ULK1: variants seen among roughly 807,000 people sequenced by gnomAD.
The protein encoded by ULK1 is serine/threonine-protein kinase ULK1.
A neutral mutation model predicts 117.5 loss-of-function variants in ULK1; 48 were observed. The observed-to-expected ratio is 0.41, with a 90% CI of 0.32 to 0.52. ULK1 has a LOEUF of 0.52. ULK1 is among the 20% of genes least tolerant of loss of function. The pLI, the probability that ULK1 is intolerant of heterozygous loss-of-function variation, is 0.29. For synonymous variants in ULK1, 790 were observed against 637.8 expected (o/e 1.24, Z -3.60); for missense variants, 1,387 against 1,473.4 (o/e 0.94, Z 0.96).
chr12:131,908,489 TG>T, intron 5 of ULK1, 154 bp from the exon 6 acceptor site: 1 of 873,734 alleles, frequency 1.1e-6, no homozygotes, highest in Non-Finnish European at 1.6e-6. Flanking sequence ...CGGCGGCCCG[TG>T]GTGGCTTGTG....
chr12:131,916,323 G>A (rs1287586133), intron 19 of ULK1, 75 bp from the exon 20 acceptor site: 21 of 1,520,938 alleles, frequency 1.4e-5, no homozygotes, highest in East Asian at 4.6e-5. Flanking sequence ...CTGCGGACTC[G>A]GCCCCTTCCC....
intron 5 of ULK1, among the ~76,000 whole-genome samples, chr12:131,908,421 T>C (rs967432205): frequency 6.6e-6 from 1 of 151,914 alleles, no homozygotes; most frequent in South Asian, 2.1e-4. Context: ...AGCCCGGGGC[T>C]GAGTGGTGGG....
In ULK1 at chr12:131,915,939, G is replaced by T. The variant is rs371730429; in HGVS notation, c.1658G>T (p.Arg553Leu). The T allele has an allele frequency of 6.2e-7, 1 of 1,612,400 alleles. No individual in the cohort carries two copies. Among genetic ancestry groups the T allele is most frequent in the South Asian group, 1.1e-5 (1 of 91,084 alleles). Residue 553 changes from arginine (R) to leucine (L), a missense_variant, in exon 19 of 28, where the codon CGC (arginine) becomes CTC (leucine). Coordinates refer to ENST00000321867, the MANE Select transcript of ULK1 (RefSeq NM_003565.4). ...CCCCGCACTTCCGGGCTGGGCTGCC[G>T]CCTGCACAGCGCCCCCAACCTGTCT... Reference protein sequence around the residue: ...HSPRTSGLGCRLHSAPNLSDL... With the variant: ...HSPRTSGLGCLLHSAPNLSDL...
chr12:131,895,143 G>T, intron 1 of ULK1, 31 bp downstream of exon 1: 1 of 1,107,100 alleles, frequency 9.0e-7, no homozygotes. Context: ...GGGATCCCCC[G>T]CCCAGGATCC....
At chr12:131,895,227 C>A in intron 1 of ULK1, 115 bp downstream of exon 1, 1 of 802,868 alleles carries the variant, frequency 1.2e-6, no homozygotes, top group Non-Finnish European at 1.8e-6. Flanking sequence ...GAGCCCCACT[C>A]GACTTTCCAG....
chr12:131,906,178 TCTC>T (rs904573492), intron 3 of ULK1, among the ~76,000 whole-genome samples: 1 of 151,824 alleles, frequency 6.6e-6, no homozygotes, highest in African/African-American at 2.4e-5. Flanking sequence ...ACTGCAGCCT[TCTC>T]CTCCCGGGTT....
In ULK1 at chr12:131,919,527, C is replaced by T. The variant is rs146607520; in HGVS notation, c.2740C>T (p.Leu914=). The T allele has an allele frequency of 1.4e-4, 225 of 1,612,234 alleles. 1 individual carries two copies. The African/African-American group carries it at 2.6e-3, about 19-fold the overall frequency. ...LKVAELLSSG[L]QSAIDQIRAG... The stretch of plus-strand genomic sequence containing the variant: ...GGTGGCCGAGCTACTGTCCTCCGGC[C>T]TGCAAAGTGCCATCGACCAGATCCG... The change falls in exon 25 of 28, where the codon CTG becomes TTG. Residue 914 remains leucine (L), a synonymous_variant. Transcript: ENST00000321867.
chr12:131,909,844 T>C lies in ULK1; in HGVS notation c.725+11T>C. The stretch of plus-strand genomic sequence containing the variant: ...GACGTTGGTCCCCACGTAAGCACCC[T>C]CCCGCCTTCCCTTCCCTTCCCCCGC... On this transcript the variant is annotated intron_variant, in intron 9 of 27. Coordinates refer to ENST00000321867, the MANE Select transcript of ULK1 (RefSeq NM_003565.4). 6.2e-7 allele frequency: 1 copy of C among 1,611,108 alleles called. No homozygotes were observed. The highest frequency in any genetic ancestry group is 8.5e-7 in the Non-Finnish European group (1 of 1,179,118).
chr12:131,917,486 T>C lies in ULK1; in HGVS notation c.2258T>C (p.Val753Ala), dbSNP rs747080696. 3.5e-5 allele frequency: 53 copies of C among 1,504,302 alleles called. No individual in the cohort carries two copies. The highest frequency in any genetic ancestry group is 4.6e-5 in the Non-Finnish European group (52 of 1,125,538). The allele number at this position is 1,504,302 out of a possible 1,614,324, so 93.2% of individuals were successfully genotyped here. A position where few individuals can be genotyped will look rare whatever the true frequency, so the allele number is the denominator to read the frequency against. ...GGCACCAGCAGCCCTTCCCCGGTGG[T>C]CTTCACCGTGGGCTCTCCCCCGAGC... ...AGGTSSPSPV[V>A]FTVGSPPSGS... is the part of the protein sequence containing the mutation. Residue 753 changes from valine to alanine, a missense_variant, in exon 22 of 28, where the codon GTC (valine) becomes GCC (alanine). Coordinates refer to ENST00000321867, the MANE Select transcript of ULK1 (RefSeq NM_003565.4).
intron 3 of ULK1, among the ~76,000 whole-genome samples, chr12:131,898,481 A>G (rs1442165681): frequency 1.8e-4 from 28 of 151,928 alleles, no homozygotes. Context: ...AGAAGTAGAA[A>G]ATGACATCTC....
At position 131,916,482 on chromosome 12, in the gene ULK1, C is replaced by T; in HGVS notation, c.1963C>T (p.Pro655Ser). ...AGCCCGGCAGGGCGTGGTGATGACG[C>T]CCCCTCGAAACCGGACGCTGCCCGA... is the stretch of plus-strand genomic sequence containing the variant. ...LLARQGVVMT[P>S]PRNRTLPDLS... The change falls in exon 20 of 28, where the codon CCC (proline) becomes TCC (serine). Residue 655 changes from proline (P) to serine (S), a missense_variant. Transcript: ENST00000321867. 6 of 1,612,412 alleles carry T rather than the reference C, an allele frequency of 3.7e-6. No homozygotes were observed. Among genetic ancestry groups the T allele is most frequent in the African/African-American group, 1.3e-5 (1 of 75,062 alleles).
intron 3 of ULK1, among the ~76,000 whole-genome samples, chr12:131,899,413 C>T (rs748413163): frequency 6.6e-6 from 1 of 151,752 alleles, no homozygotes; most frequent in Non-Finnish European, 1.5e-5. Flanking sequence ...GTCTAGAACT[C>T]CCGACCTCAG....
intron 16 of ULK1, 91 bp downstream of exon 16, chr12:131,914,568 A>C: frequency 6.7e-7 from 1 of 1,494,828 alleles, no homozygotes; most frequent in Non-Finnish European, 9.0e-7. Context: ...CAGGGTCGTC[A>C]TCCATGTGCA....
intron 6 of ULK1, 29 bp from the exon 7 acceptor site, chr12:131,908,869 G>A (rs747134855): frequency 4.4e-6 from 7 of 1,607,998 alleles, no homozygotes; most frequent in Non-Finnish European, 5.9e-6. Flanking sequence ...TCCGGGGCCG[G>A]CGCCGGTCCT....
At chr12:131,917,662 C>T in intron 22 of ULK1, 108 bp downstream of exon 22, 1 of 1,141,882 alleles carries the variant, frequency 8.8e-7, no homozygotes, top group Non-Finnish European at 1.1e-6. Context: ...CCCCCAGAGC[C>T]CAGGGGTGCC....
At chr12:131,912,695 G>T (rs552085647) in intron 13 of ULK1, among the ~76,000 whole-genome samples, 3 of 152,260 alleles carry the variant, frequency 2.0e-5, no homozygotes, top group Non-Finnish European at 4.4e-5. Flanking sequence ...TGGCTTCTGC[G>T]GGGGTGGTGA....
At chr12:131,910,849 T>A (rs1889502736) in intron 12 of ULK1, 49 bp downstream of exon 12, 1 of 1,607,502 alleles carries the variant, frequency 6.2e-7, no homozygotes, top group Non-Finnish European at 8.5e-7. Context: ...CACTCAGCAG[T>A]CAGGGGCTCC....
chr12:131,901,695 G>A (rs937387896), intron 3 of ULK1, among the ~76,000 whole-genome samples: 5 of 152,226 alleles, frequency 3.3e-5, no homozygotes, highest in African/African-American at 1.2e-4. Context: ...TTTGTGCGCA[G>A]CACCCCGTGG....
chr12:131,908,467 G>A (rs931535528), intron 5 of ULK1, among the ~76,000 whole-genome samples, 177 bp from the exon 6 acceptor site: 1 of 152,004 alleles, frequency 6.6e-6, no homozygotes, highest in African/African-American at 2.4e-5. Flanking sequence ...AGCTTCAGGT[G>A]CGCCCTGGTC....
Sources: gnomAD v4.1 joint callset for allele counts (sites outside exome capture counted in the v4.1 genomes callset) on GRCh38, gnomAD v4.1.1 for gene constraint, MANE v1.5 for transcripts, NCBI Gene and HGNC (gene_info 2026-07-23, HGNC 2026-07-21) for gene names.